Variants in SNTG1 observed in about 807,000 individuals in gnomAD.
SNTG1 encodes gamma-1-syntrophin.
In SNTG1, 39 loss-of-function variants were observed where a neutral mutation model predicts 74.7. The observed-to-expected ratio is 0.52, with a 90% CI of 0.40 to 0.68. The LOEUF is 0.68. SNTG1 is among the 30% of genes least tolerant of loss of function. SNTG1 has a pLI of 0.00. For missense variants in SNTG1, 685 were observed against 609.5 expected (o/e 1.12, Z -1.30); for synonymous variants, 254 against 217.1 (o/e 1.17, Z -1.49).
At chr8:50,397,190 A>G (rs976176856) in intron 3 of SNTG1, among the ~76,000 whole-genome samples, 2 of 152,250 alleles carry the variant, frequency 1.3e-5, no homozygotes, top group Non-Finnish European at 2.9e-5. Context: ...AAATACATTC[A>G]TACAGTATCT....
intron 13 of SNTG1, among the ~76,000 whole-genome samples, chr8:50,627,037 C>T (rs552040929): frequency 6.6e-6 from 1 of 152,216 alleles, no homozygotes; most frequent in East Asian, 1.9e-4. Context: ...ATTTTGTCGA[C>T]TGCACAGCTT....
At chr8:50,715,774 C>T (rs2131576700) in intron 17 of SNTG1, among the ~76,000 whole-genome samples, 1 of 152,288 alleles carries the variant, frequency 6.6e-6, no homozygotes, top group East Asian at 1.9e-4. Context: ...GTAATCTTAG[C>T]TGAAATCACT....
chr8:50,753,430 C>A (rs2095572572), intron 18 of SNTG1, among the ~76,000 whole-genome samples: 1 of 151,940 alleles, frequency 6.6e-6, no homozygotes, highest in African/African-American at 2.4e-5. Context: ...ATTATTCTGG[C>A]ATTTATTCTG....
rs756250836 is a variant in SNTG1, at chr8:49,996,372, CT to C, written c.-103+84152del. ...AAATTAAAGAAGAAACAGTAAGAAG[CT>C]TTTTTTTTTTACCTCCACAATGTTT... On this transcript the variant is annotated intron_variant, in intron 1 of 18. Coordinates refer to ENST00000642720, the MANE Select transcript of SNTG1 (RefSeq NM_018967.5). Among the ~76,000 whole-genome samples, 984 of 143,792 alleles carry C rather than the reference CT, an allele frequency of 6.8e-3. 8 individuals carry two copies. Among genetic ancestry groups the C allele is most frequent in the African/African-American group, 0.022 (854 of 39,002 alleles). The allele number at this position is 143,792 out of a possible 152,430, so 94.3% of individuals were successfully genotyped here. A position where few individuals can be genotyped will look rare whatever the true frequency, so the allele number is the denominator to read the frequency against.
At chr8:50,766,646 C>G (rs916914000) in intron 18 of SNTG1, among the ~76,000 whole-genome samples, 2 of 151,748 alleles carry the variant, frequency 1.3e-5, no homozygotes. Context: ...TCCTGTGTCC[C>G]CATCTCAAAT....
chr8:50,201,788 C>G (rs1453953605), intron 2 of SNTG1, among the ~76,000 whole-genome samples: 3 of 152,070 alleles, frequency 2.0e-5, no homozygotes, highest in South Asian at 4.1e-4. Context: ...CCATTTGTAT[C>G]TATATTCAGC....
intron 1 of SNTG1, among the ~76,000 whole-genome samples, chr8:50,039,537 G>A (rs1388525147): frequency 6.6e-5 from 10 of 150,502 alleles, no homozygotes; most frequent in African/African-American, 2.0e-4. Flanking sequence ...CAGCACAGGC[G>A]AGGCCTCTCA....
At chr8:49,975,767 A>ATGTGTGTGTG (rs139364682) in intron 1 of SNTG1, among the ~76,000 whole-genome samples, 17 of 147,010 alleles carry the variant, frequency 1.2e-4, no homozygotes, top group African/African-American at 3.9e-4. Context: ...ATATATATAT[A>ATGTGTGTGTG]TATGTGTGTG....
intron 4 of SNTG1, among the ~76,000 whole-genome samples, chr8:50,424,186 A>G (rs1247618813): frequency 2.6e-5 from 4 of 152,186 alleles, no homozygotes; most frequent in Non-Finnish European, 5.9e-5. Context: ...GGGATTAAAC[A>G]TGGAGAGATA....
intron 2 of SNTG1, among the ~76,000 whole-genome samples, chr8:50,253,194 T>A (rs1016672602): frequency 3.9e-5 from 6 of 151,994 alleles, no homozygotes; most frequent in Non-Finnish European, 7.4e-5. Context: ...GAGGCTGAGG[T>A]GGGTGGATCA....
intron 2 of SNTG1, among the ~76,000 whole-genome samples, chr8:50,292,249 G>A (rs1489532609): frequency 6.6e-6 from 1 of 152,064 alleles, no homozygotes; most frequent in African/African-American, 2.4e-5. Flanking sequence ...CCAGGTTGGT[G>A]CAACATTTAA....
At chr8:50,214,411 TAATAA>T (rs1329571520) in intron 2 of SNTG1, among the ~76,000 whole-genome samples, 1 of 151,488 alleles carries the variant, frequency 6.6e-6, no homozygotes, top group African/African-American at 2.4e-5. Context: ...AGTATAATAA[TAATAA>T]AATAAAAATA....
intron 2 of SNTG1, among the ~76,000 whole-genome samples, chr8:50,299,497 T>A (rs1340171381): frequency 6.6e-6 from 1 of 152,142 alleles, no homozygotes; most frequent in Non-Finnish European, 1.5e-5. Context: ...CAAAGAGACA[T>A]CATAGGGTAA....
intron 2 of SNTG1, among the ~76,000 whole-genome samples, chr8:50,312,123 C>T (rs972226439): frequency 6.6e-6 from 1 of 152,120 alleles, no homozygotes; most frequent in East Asian, 1.9e-4. Context: ...ACATAGTCTG[C>T]TCTGGGTTTC....
At chr8:50,064,995 C>T (rs1221603982) in intron 1 of SNTG1, among the ~76,000 whole-genome samples, 4 of 151,854 alleles carry the variant, frequency 2.6e-5, no homozygotes, top group African/African-American at 7.3e-5. Context: ...TGCTTAGGAC[C>T]GTGATTGGCA....
At chr8:50,155,228 G>C (rs1279542669) in intron 1 of SNTG1, among the ~76,000 whole-genome samples, 1 of 152,170 alleles carries the variant, frequency 6.6e-6, no homozygotes, top group East Asian at 1.9e-4. Context: ...AATACACAGA[G>C]AGATCATAAG....
At chr8:50,737,925 A>G (rs1585676423) in intron 17 of SNTG1, among the ~76,000 whole-genome samples, 1 of 152,126 alleles carries the variant, frequency 6.6e-6, no homozygotes, top group Admixed American at 6.6e-5. Flanking sequence ...AATAAGAGCT[A>G]TTTATGACAA....
intron 2 of SNTG1, among the ~76,000 whole-genome samples, chr8:50,186,061 T>C (rs762907065): frequency 6.6e-6 from 1 of 152,132 alleles, no homozygotes; most frequent in Non-Finnish European, 1.5e-5. Flanking sequence ...TGTGTTCTCA[T>C]TGTTGAACTC....
At chr8:50,093,368 T>C (rs1024527844) in intron 1 of SNTG1, among the ~76,000 whole-genome samples, 18 of 152,134 alleles carry the variant, frequency 1.2e-4, no homozygotes, top group Non-Finnish European at 2.5e-4. Flanking sequence ...CACAATCACA[T>C]AGACATCATC....
Sources: gnomAD v4.1 joint callset for allele counts (sites outside exome capture counted in the v4.1 genomes callset) on GRCh38, gnomAD v4.1.1 for gene constraint, MANE v1.5 for transcripts, NCBI Gene and HGNC (gene_info 2026-07-23, HGNC 2026-07-21) for gene names.